MYH6: variants seen among roughly 807,000 people sequenced by gnomAD.
The protein encoded by MYH6 is myosin-6.
In MYH6, 126 loss-of-function variants were observed where a neutral mutation model predicts 223.2. That is an observed-to-expected ratio of 0.56 (90% confidence interval 0.49 to 0.65). The LOEUF (loss-of-function observed/expected upper bound fraction) is 0.65, where lower values mean the gene tolerates loss of function less well. Among genes scored for constraint, MYH6 ranks in the 30% least tolerant of loss-of-function variants. The pLI is 0.00. For missense variants in MYH6, 2,040 were observed against 2,536.4 expected (o/e 0.80, Z 4.20); for synonymous variants, 978 against 1,010.2 (o/e 0.97, Z 0.61).
At chr14:23,403,035 G>A (rs1891657609) in intron 10 of MYH6, among the ~76,000 whole-genome samples, 1 of 152,008 alleles carries the variant, frequency 6.6e-6, no homozygotes, top group Non-Finnish European at 1.5e-5. Flanking sequence ...ACAAGGAGGA[G>A]GGAGGGTGGC....
At position 23,394,177 on chromosome 14, in the gene MYH6, C is replaced by G. The variant is rs779528748; in HGVS notation, c.2576G>C (p.Gly859Ala). The change falls in exon 21 of 39, where the codon GGG (glycine) becomes GCG (alanine). Residue 859 changes from glycine (G) to alanine (A), a missense_variant. Transcript: ENST00000405093. ...CTTCTCCAGCGTCTCTTTGATGCGC[C>G]CGAACTCTTCCTTCATGGTGGCCAT... is the stretch of plus-strand genomic sequence containing the variant. ...KEMATMKEEF[G>A]RIKETLEKSE... 8 of 1,614,110 alleles carry G rather than the reference C, an allele frequency of 5.0e-6. No homozygotes were observed. Among genetic ancestry groups the G allele is most frequent in the Non-Finnish European group, 6.8e-6 (8 of 1,180,046 alleles).
chr14:23,389,156 C>T, intron 28 of MYH6, 101 bp from the exon 29 acceptor site: 2 of 1,391,084 alleles, frequency 1.4e-6, no homozygotes, highest in Non-Finnish European at 1.9e-6. Flanking sequence ...CAGCCTTATT[C>T]ACCATGTGGG....
At chr14:23,404,658 G>T in intron 7 of MYH6, 53 bp downstream of exon 7, 2 of 1,548,682 alleles carry the variant, frequency 1.3e-6, no homozygotes, top group South Asian at 1.1e-5. Context: ...GGGTAACTCG[G>T]GTCAGCCTGC....
At chr14:23,395,304 TC>T (rs1483254697) in intron 20 of MYH6, among the ~76,000 whole-genome samples, 4 of 152,272 alleles carry the variant, frequency 2.6e-5, no homozygotes, top group African/African-American at 9.6e-5. Context: ...ACATATTGTA[TC>T]ATGTAGTTGG....
chr14:23,385,828 G>T, intron 34 of MYH6, 100 bp downstream of exon 34: 1 of 1,528,586 alleles, frequency 6.5e-7, no homozygotes, highest in Non-Finnish European at 9.1e-7. Context: ...AATGATTTGT[G>T]ACCCTGGCTA....
intron 19 of MYH6, 89 bp from the exon 20 acceptor site, chr14:23,396,509 TC>T (rs1891400645): frequency 1.9e-6 from 3 of 1,578,404 alleles, no homozygotes; most frequent in Non-Finnish European, 2.6e-6. Context: ...AGGTGACCCA[TC>T]ACCCCATGCC....
chr14:23,404,537 A>T, intron 7 of MYH6, 149 bp from the exon 8 acceptor site: 1 of 1,125,718 alleles, frequency 8.9e-7, no homozygotes, highest in Non-Finnish European at 1.3e-6. Flanking sequence ...GATCCTACCC[A>T]GACCTCAGGG....
chr14:23,398,927 G>A lies in MYH6; in HGVS notation c.1692C>T (p.Phe564=). The change falls in exon 15 of 39, where the codon TTC becomes TTT. Residue 564 remains phenylalanine, a synonymous_variant. Coordinates refer to ENST00000405093, the MANE Select transcript of MYH6 (RefSeq NM_002471.4). ...YDNHLGKSNN[F]QKPRNIKGKQ... is the part of the protein sequence containing the mutation. ...TCCCCTTGATGTTGCGTGGCTTCTG[G>A]AAATTGTTGGACTTGCCCAGGTGGT... 6.2e-7 allele frequency: 1 copy of A among 1,614,188 alleles called. No homozygotes were observed. Among genetic ancestry groups the A allele is most frequent in the Non-Finnish European group, 8.5e-7 (1 of 1,180,030 alleles).
chr14:23,388,017 GTC>G, intron 30 of MYH6, 94 bp from the exon 31 acceptor site: 1 of 1,605,466 alleles, frequency 6.2e-7, no homozygotes. Flanking sequence ...TCAGCCGCAT[GTC>G]CAAGATCTGT....
chr14:23,385,984 G>A lies in MYH6; in HGVS notation c.5107C>T (p.Leu1703=). ...GTCTCAATCAGCTCCTGCTCCGCCAGCTTCCGGGACCGCTCTGTCTGCTCC... is the reference window on the plus strand; with the variant it reads ...GTCTCAATCAGCTCCTGCTCCGCCAACTTCCGGGACCGCTCTGTCTGCTCC... ...VVEQTERSRK[L]AEQELIETSE... is the part of the protein sequence containing the mutation. The change falls in exon 34 of 39, where the codon CTG becomes TTG. Residue 1703 remains leucine, a synonymous_variant. Transcript: ENST00000405093. The A allele has an allele frequency of 1.2e-6, 2 of 1,614,222 alleles. No individual in the cohort carries two copies. The highest frequency in any genetic ancestry group is 1.7e-6 in the Non-Finnish European group (2 of 1,180,032).
rs568139595 is a variant in MYH6, at chr14:23,400,603, C to G, written c.1410+106G>C. 3 of 1,595,498 alleles carry G rather than the reference C, an allele frequency of 1.9e-6. No individual in the cohort carries two copies. In the African/African-American group the frequency reaches 4.0e-5, roughly 21 times the overall value. On this transcript the variant is annotated intron_variant, in intron 13 of 38. Transcript: ENST00000405093. ...TGACTGCCTCTGTCACCACACAGTC[C>G]CCACTGCCTTCCCATGTCTGGTCCA...
At position 23,386,380 on chromosome 14, in the gene MYH6, T is replaced by C; in HGVS notation, c.4894A>G (p.Ser1632Gly). The change falls in exon 33 of 39, where the codon AGC becomes GGC. Residue 1632 changes from serine (S) to glycine (G), a missense_variant. This residue lies in a region of MYH6 where 1,203 missense variants were observed against 1,400.2 expected (regional missense o/e 0.86). Coordinates refer to ENST00000405093, the MANE Select transcript of MYH6 (RefSeq NM_002471.4). ...TCGGCAGCCATGCGGTTGGCGTGGC[T>C]GAGCTGGATCTCCATCTCATTGAGG... ...GDLNEMEIQL[S>G]HANRMAAEAQ... The C allele has an allele frequency of 1.9e-6, 3 of 1,614,152 alleles. No homozygotes were observed. The highest frequency in any genetic ancestry group is 1.7e-6 in the Non-Finnish European group (2 of 1,179,982).
chr14:23,404,237 C>A, intron 8 of MYH6, 59 bp downstream of exon 8: 1 of 1,579,938 alleles, frequency 6.3e-7, no homozygotes, highest in Non-Finnish European at 8.7e-7. Flanking sequence ...GGCAAAACAG[C>A]ACCCCCTTTT....
intron 12 of MYH6, 92 bp from the exon 13 acceptor site, chr14:23,401,069 C>T (rs568112981): frequency 3.6e-4 from 557 of 1,544,264 alleles, no homozygotes; most frequent in Non-Finnish European, 4.7e-4. Flanking sequence ...TGCAGTGGCA[C>T]GATCTTGGCT....
At chr14:23,403,509 T>G (rs178647) in intron 9 of MYH6, 63 bp from the exon 10 acceptor site, 2 of 1,461,608 alleles carry the variant, frequency 1.4e-6, no homozygotes, top group Non-Finnish European at 1.9e-6. Flanking sequence ...CAGAAAAAGG[T>G]GGCCATGGGG....
chr14:23,404,442 G>A (rs1891712545), intron 7 of MYH6, 54 bp from the exon 8 acceptor site: 3 of 1,601,026 alleles, frequency 1.9e-6, no homozygotes, highest in Non-Finnish European at 2.6e-6. Flanking sequence ...TCCAGGCAGT[G>A]GTGAGAGGGC....
At chr14:23,382,747 G>C (rs1890898626) in intron 37 of MYH6, among the ~76,000 whole-genome samples, 185 bp from the exon 38 acceptor site, 1 of 152,158 alleles carries the variant, frequency 6.6e-6, no homozygotes, top group African/African-American at 2.4e-5. Context: ...CCAGCACTCA[G>C]AGTCCTTCAC....
rs764299069 is a variant in MYH6 at position 23,402,734 on chromosome 14, G to C, written c.965C>G (p.Ala322Gly). ...GAGCTCCTCGGAGTCATCAATGGAG[G>C]CCACGGACACCTCTCCCTGAGACAC... is the stretch of plus-strand genomic sequence containing the variant. Reference protein sequence around the residue: ...AFVSQGEVSVASIDDSEELMA... With the variant: ...AFVSQGEVSVGSIDDSEELMA... Residue 322 changes from alanine to glycine, a missense_variant, in exon 11 of 39, where the codon GCC (alanine) becomes GGC (glycine). Transcript: ENST00000405093. The C allele has an allele frequency of 2.5e-6, 4 of 1,613,694 alleles. No individual in the cohort carries two copies. Among genetic ancestry groups the C allele is most frequent in the Non-Finnish European group, 3.4e-6 (4 of 1,179,974 alleles).
chr14:23,404,675 A>C (rs774244335), intron 7 of MYH6, 36 bp downstream of exon 7: 1 of 1,594,376 alleles, frequency 6.3e-7, no homozygotes, highest in South Asian at 1.1e-5. Context: ...CTGCCCCCCA[A>C]CCCCTGTTCT....
Sources: allele counts gnomAD v4.1 joint callset (sites outside exome capture counted in the v4.1 genomes callset), GRCh38; gene constraint gnomAD v4.1.1; regional missense constraint gnomAD v4.1.1; transcripts MANE v1.5; gene names NCBI Gene and HGNC (gene_info 2026-07-23, HGNC 2026-07-21).